SNTG1: variants seen among roughly 807,000 people sequenced by gnomAD.
SNTG1 encodes syntrophin gamma 1, also known as gamma-1-syntrophin.
Under a neutral mutation model 74.7 loss-of-function variants are expected in SNTG1, and 39 were observed. That is an observed-to-expected ratio of 0.52 (90% CI 0.40 to 0.68). SNTG1 has a LOEUF of 0.68. Ranked by LOEUF, SNTG1 falls within the 30% of genes least tolerant of loss-of-function variation. The pLI, the probability that SNTG1 is intolerant of heterozygous loss-of-function variation, is 0.00. For missense variants in SNTG1, 685 were observed against 609.5 expected, an observed-to-expected ratio of 1.12 and a Z score of -1.30; for synonymous variants, 254 against 217.1, an observed-to-expected ratio of 1.17 and a Z score of -1.49.
chr8:50,221,406 A>G (rs2085058327), intron 2 of SNTG1, among the ~76,000 whole-genome samples: 1 of 151,948 alleles, frequency 6.6e-6, no homozygotes, highest in Non-Finnish European at 1.5e-5. Context: ...GTGTTAAAAA[A>G]TATAAGATCA....
intron 18 of SNTG1, among the ~76,000 whole-genome samples, chr8:50,782,643 G>T (rs1563834811): frequency 6.6e-6 from 1 of 152,040 alleles, no homozygotes; most frequent in African/African-American, 2.4e-5. Flanking sequence ...CTTTGCCTTT[G>T]GTTTGAATTT....
Position 50,079,410 on chromosome 8 carries a change from G to GTT in SNTG1, c.-102-93141_-102-93140dup, listed in dbSNP as rs557487549. 1.0e-2 allele frequency among the ~76,000 whole-genome samples: 1,451 copies of GTT among 145,262 alleles called. 11 individuals are homozygous for GTT. The highest frequency in any genetic ancestry group is 0.016 in the Non-Finnish European group (1,085 of 65,868). On this transcript the variant is annotated intron_variant, in intron 1 of 18. Coordinates refer to ENST00000642720, the MANE Select transcript of SNTG1 (RefSeq NM_018967.5). Reference sequence around the variant, plus strand: ...TGCCCACTTTTTGATGGGGTTGTTTGTTTTTTTTTTTCTTGTAAATTTGTT... The same window carrying GTT: ...TGCCCACTTTTTGATGGGGTTGTTTGTTTTTTTTTTTTTCTTGTAAATTTGTT...
chr8:50,626,701 C>A (rs1452261026), intron 13 of SNTG1, among the ~76,000 whole-genome samples: 1 of 152,272 alleles, frequency 6.6e-6, no homozygotes, highest in African/African-American at 2.4e-5. Context: ...TGCCTTTAAG[C>A]GGTTTTCTGC....
chr8:50,792,728 G>T lies in SNTG1; in HGVS notation c.1453G>T (p.Ala485Ser). The change falls in exon 19 of 19, where the codon GCC (alanine) becomes TCC (serine). Residue 485 changes from alanine (A) to serine (S), a missense_variant. Ala to Ser is a moderately conservative substitution (Grantham distance 99). Transcript: ENST00000642720. Reference sequence around the variant, plus strand: ...TCACTGCATTCATTCCTTCTTTGCTGCCAAGGTAGCTTGTTTGGACCCTCT... The same window carrying T: ...TCACTGCATTCATTCCTTCTTTGCTTCCAAGGTAGCTTGTTTGGACCCTCT... ...VLHCIHSFFA[A>S]KVACLDPLFL... 2 of 1,612,338 alleles carry T rather than the reference G, an allele frequency of 1.2e-6. No homozygotes were observed. Among genetic ancestry groups the T allele is most frequent in the Non-Finnish European group, 8.5e-7 (1 of 1,178,886 alleles).
chr8:50,743,103 CA>C (rs35053014), intron 17 of SNTG1, among the ~76,000 whole-genome samples: 33,962 of 133,330 alleles, frequency 0.25, 3,927 homozygotes, highest in Middle Eastern at 0.36. Context: ...AAATTCTTAC[CA>C]AAAAAAAAAA....
chr8:50,645,967 T>C (rs2095106689), intron 13 of SNTG1, among the ~76,000 whole-genome samples: 1 of 152,184 alleles, frequency 6.6e-6, no homozygotes, highest in South Asian at 2.1e-4. Context: ...GTCAAGTCTG[T>C]GTTGCCTTGG....
At chr8:50,694,889 A>T (rs555215973) in intron 15 of SNTG1, among the ~76,000 whole-genome samples, 1 of 117,186 alleles carries the variant, frequency 8.5e-6, no homozygotes, top group Admixed American at 7.7e-5. Context: ...TTTTATAATT[A>T]AAAAAAAAAA....
intron 2 of SNTG1, among the ~76,000 whole-genome samples, chr8:50,350,386 G>A (rs2091619809): frequency 6.6e-6 from 1 of 152,202 alleles, no homozygotes; most frequent in African/African-American, 2.4e-5. Flanking sequence ...GGGCTCCTGA[G>A]TCTGGTGGGG....
At chr8:50,363,372 G>A (rs2092015712) in intron 2 of SNTG1, among the ~76,000 whole-genome samples, 1 of 152,168 alleles carries the variant, frequency 6.6e-6, no homozygotes, top group Admixed American at 6.6e-5. Flanking sequence ...TGCAGGTAGT[G>A]GCAGTGGTGG....
chr8:50,748,405 C>T (rs1165525124), intron 17 of SNTG1, among the ~76,000 whole-genome samples: 1 of 151,878 alleles, frequency 6.6e-6, no homozygotes, highest in Non-Finnish European at 1.5e-5. Flanking sequence ...AGGCTAAGAC[C>T]TTAAGAAATC....
At chr8:50,578,436 AGACAGCAAGAG>A (rs1394165950) in intron 12 of SNTG1, among the ~76,000 whole-genome samples, 1 of 152,144 alleles carries the variant, frequency 6.6e-6, no homozygotes, top group African/African-American at 2.4e-5. Context: ...AGAGAGAGAG[AGACAGCAAGAG>A]CAAGGGAGGG....
intron 2 of SNTG1, among the ~76,000 whole-genome samples, chr8:50,282,507 G>T (rs1307681236): frequency 6.6e-6 from 1 of 152,066 alleles, no homozygotes; most frequent in African/African-American, 2.4e-5. Context: ...AAACTTTTTA[G>T]CCAGGTGCTA....
chr8:50,000,757 T>G, intron 1 of SNTG1, among the ~76,000 whole-genome samples: 1 of 152,244 alleles, frequency 6.6e-6, no homozygotes, highest in East Asian at 1.9e-4. Flanking sequence ...TGCTCCCTGC[T>G]AGTTACTTAA....
At chr8:50,314,935 T>TA (rs1563885055) in intron 2 of SNTG1, among the ~76,000 whole-genome samples, 1 of 149,608 alleles carries the variant, frequency 6.7e-6, no homozygotes, top group Non-Finnish European at 1.5e-5. Flanking sequence ...GACAATGTGT[T>TA]ACAGTTTTTA....
At chr8:50,358,284 C>T (rs138214966) in intron 2 of SNTG1, among the ~76,000 whole-genome samples, 92 of 152,302 alleles carry the variant, frequency 6.0e-4, no homozygotes, top group African/African-American at 1.8e-3. Context: ...TTTGCAAGAA[C>T]GCTCACACTC....
intron 18 of SNTG1, among the ~76,000 whole-genome samples, chr8:50,760,208 T>C (rs2095594287): frequency 6.6e-6 from 1 of 152,146 alleles, no homozygotes; most frequent in South Asian, 2.1e-4. Context: ...CCTGAGACTT[T>C]GCTGAAGTTG....
intron 2 of SNTG1, among the ~76,000 whole-genome samples, chr8:50,222,049 G>A (rs1392333575): frequency 6.6e-6 from 1 of 152,182 alleles, no homozygotes; most frequent in Non-Finnish European, 1.5e-5. Context: ...CATGCACTGA[G>A]GCCACTTCTG....
At chr8:50,286,087 A>G (rs754518775) in intron 2 of SNTG1, among the ~76,000 whole-genome samples, 11 of 151,852 alleles carry the variant, frequency 7.2e-5, no homozygotes, top group Non-Finnish European at 1.3e-4. Flanking sequence ...CACTATATGT[A>G]TAACTTCTCT....
chr8:50,322,381 A>C (rs2090566331), intron 2 of SNTG1, among the ~76,000 whole-genome samples: 1 of 152,104 alleles, frequency 6.6e-6, no homozygotes, highest in Non-Finnish European at 1.5e-5. Context: ...AAAGGCTTCC[A>C]CTGGGAAGTC....
Sources: gnomAD v4.1 joint callset for allele counts (sites outside exome capture counted in the v4.1 genomes callset) on GRCh38, gnomAD v4.1.1 for gene constraint, MANE v1.5 for transcripts, NCBI Gene and HGNC (gene_info 2026-07-23, HGNC 2026-07-21) for gene names.